The following CSGALNACT1 variants were observed in gnomAD, a reference collection of about 807,000 sequenced individuals.
The protein encoded by CSGALNACT1 is chondroitin sulfate N-acetylgalactosaminyltransferase 1, also known as beta4GalNAcT-1.
CSGALNACT1 carries 52 observed loss-of-function variants against 51.0 expected under a neutral mutation model. The observed-to-expected ratio is 1.02, with a 90% CI of 0.82 to 1.29. The LOEUF is 1.29. CSGALNACT1 is among the 50% of genes most tolerant of loss of function. The pLI, the probability that CSGALNACT1 is intolerant of heterozygous loss-of-function variation, is 0.00. For missense variants in CSGALNACT1, 935 were observed against 679.2 expected (o/e 1.38, Z -4.19); for synonymous variants, 341 against 254.4 (o/e 1.34, Z -3.24).
intron 4 of CSGALNACT1, among the ~76,000 whole-genome samples, chr8:19,469,128 A>C (rs988644364): frequency 2.0e-5 from 3 of 152,182 alleles, no homozygotes; most frequent in Non-Finnish European, 4.4e-5. Context: ...GGTGGCTCAT[A>C]CTTGTAATCC....
At chr8:19,419,230 G>A (rs1331961139) in intron 7 of CSGALNACT1, among the ~76,000 whole-genome samples, 1 of 152,176 alleles carries the variant, frequency 6.6e-6, no homozygotes, top group Non-Finnish European at 1.5e-5. Context: ...AGTCATATCT[G>A]CAAATATTTC....
exon 1 of CSGALNACT1, chr8:19,602,447 C>T (rs1375977578): frequency 6.6e-6 from 1 of 152,596 alleles, no homozygotes; most frequent in African/African-American, 2.4e-5. Context: ...CTTCCCGAAG[C>T]ACCGCAGGGT....
chr8:19,526,126 C>T (rs1587836680), intron 3 of CSGALNACT1, among the ~76,000 whole-genome samples: 1 of 152,242 alleles, frequency 6.6e-6, no homozygotes, highest in Non-Finnish European at 1.5e-5. Context: ...TATCCTACCT[C>T]CCGCTACGCT....
intron 2 of CSGALNACT1, among the ~76,000 whole-genome samples, chr8:19,596,976 G>A (rs762792897): frequency 2.6e-5 from 4 of 151,936 alleles, no homozygotes; most frequent in Admixed American, 1.3e-4. Context: ...CTGTAACTCC[G>A]TACCCATTAA....
At chr8:19,668,954 G>A (rs911911842) in intron 1 of CSGALNACT1, among the ~76,000 whole-genome samples, 1 of 152,202 alleles carries the variant, frequency 6.6e-6, no homozygotes, top group Non-Finnish European at 1.5e-5. Flanking sequence ...AATAATCTAT[G>A]AATTTCCAGT....
intron 1 of CSGALNACT1, among the ~76,000 whole-genome samples, chr8:19,650,370 A>T (rs910575938): frequency 5.9e-5 from 9 of 152,242 alleles, no homozygotes; most frequent in Non-Finnish European, 1.0e-4. Context: ...CTACGCTCTC[A>T]AATTTGGTCA....
At chr8:19,513,331 G>A (rs1032970855) in intron 3 of CSGALNACT1, among the ~76,000 whole-genome samples, 13 of 150,882 alleles carry the variant, frequency 8.6e-5, no homozygotes, top group African/African-American at 2.7e-4. Context: ...GAAGACACAC[G>A]AAAGCCACTA....
chr8:19,437,451 C>G (rs1182882344), intron 6 of CSGALNACT1, among the ~76,000 whole-genome samples: 4 of 152,002 alleles, frequency 2.6e-5, no homozygotes, highest in Non-Finnish European at 1.5e-5. Context: ...TGGTATGGTA[C>G]TGTGAAGTCA....
At chr8:19,590,013 C>A (rs2047455047) in intron 3 of CSGALNACT1, among the ~76,000 whole-genome samples, 1 of 152,194 alleles carries the variant, frequency 6.6e-6, no homozygotes, top group South Asian at 2.1e-4. Flanking sequence ...TCAGACCTCT[C>A]TAGGTTAGAC....
intron 5 of CSGALNACT1, among the ~76,000 whole-genome samples, chr8:19,454,290 T>C (rs913083070): frequency 1.3e-5 from 2 of 152,226 alleles, no homozygotes; most frequent in Non-Finnish European, 2.9e-5. Flanking sequence ...GGACTGCTGA[T>C]GAATACATTA....
At chr8:19,472,144 G>A (rs1180839736) in intron 4 of CSGALNACT1, among the ~76,000 whole-genome samples, 4 of 152,160 alleles carry the variant, frequency 2.6e-5, no homozygotes. Flanking sequence ...AAGATATTAG[G>A]GAGTTCTACA....
intron 3 of CSGALNACT1, among the ~76,000 whole-genome samples, chr8:19,570,186 C>A (rs1465564284): frequency 6.6e-6 from 1 of 151,722 alleles, no homozygotes; most frequent in Non-Finnish European, 1.5e-5. Context: ...GAACTGTATA[C>A]TTAAGATTTT....
chr8:19,555,790 A>T (rs1425152016), intron 3 of CSGALNACT1, among the ~76,000 whole-genome samples: 1 of 152,220 alleles, frequency 6.6e-6, no homozygotes, highest in East Asian at 1.9e-4. Context: ...GTGCCTAAAA[A>T]TATAGCATGC....
chr8:19,614,979 T>C (rs1157569086), intron 1 of CSGALNACT1, among the ~76,000 whole-genome samples: 1 of 152,196 alleles, frequency 6.6e-6, no homozygotes, highest in Non-Finnish European at 1.5e-5. Context: ...TGTTGAAGTA[T>C]CCAAAAGGTA....
intron 1 of CSGALNACT1, among the ~76,000 whole-genome samples, chr8:19,643,409 G>A (rs551580238): frequency 6.6e-6 from 1 of 152,168 alleles, no homozygotes; most frequent in Non-Finnish European, 1.5e-5. Flanking sequence ...GGCCAAGGCA[G>A]TAGGATGACT....
At position 19,561,658 on chromosome 8, in the gene CSGALNACT1, G is replaced by C. The variant is rs149174147; in HGVS notation, c.-297+29502C>G. 2.0e-5 allele frequency among the ~76,000 whole-genome samples: 3 copies of C among 152,326 alleles called. No homozygotes were observed. In the East Asian group the frequency reaches 5.8e-4, roughly 29 times the overall value. On this transcript the variant is annotated intron_variant, in intron 3 of 9. Transcript: ENST00000454498. Reference sequence around the variant, plus strand: ...CTTTACAAGGGGAAAACAAGTACATGGCAGAAGGGGCAGGGGGCATACAGA... The same window carrying C: ...CTTTACAAGGGGAAAACAAGTACATCGCAGAAGGGGCAGGGGGCATACAGA...
intron 1 of CSGALNACT1, among the ~76,000 whole-genome samples, chr8:19,729,524 A>G (rs1011875631): frequency 7.9e-5 from 12 of 152,180 alleles, no homozygotes; most frequent in African/African-American, 2.2e-4. Context: ...ACAACCTGGG[A>G]TGCTGTAGAG....
At chr8:19,656,433 A>AG (rs1204287645) in intron 1 of CSGALNACT1, among the ~76,000 whole-genome samples, 1 of 152,196 alleles carries the variant, frequency 6.6e-6, no homozygotes, top group Non-Finnish European at 1.5e-5. Flanking sequence ...GAAGAAACTT[A>AG]GCAGTAGCAA....
intron 3 of CSGALNACT1, 134 bp from the exon 3 acceptor site, chr8:19,506,264 TA>T: frequency 2.7e-6 from 1 of 366,378 alleles, no homozygotes; most frequent in Non-Finnish European, 5.3e-6. Flanking sequence ...TAAATATTGT[TA>T]AATGTGTATA....
Sources: allele counts gnomAD v4.1 joint callset (sites outside exome capture counted in the v4.1 genomes callset), GRCh38; gene constraint gnomAD v4.1.1; transcripts MANE v1.5; gene names NCBI Gene and HGNC (gene_info 2026-07-23, HGNC 2026-07-21).